The following CHD7 variants were observed in gnomAD, a reference collection of about 807,000 sequenced individuals.
The protein encoded by CHD7 is ATP-dependent chromatin remodeler CHD7.
Under a neutral mutation model 307.3 loss-of-function variants are expected in CHD7, and 24 were observed. The ratio of observed to expected loss-of-function variants is 0.08; its 90% CI spans 0.06 to 0.11. The LOEUF (loss-of-function observed/expected upper bound fraction) is 0.11. CHD7 is among the 10% of genes least tolerant of loss of function. The pLI is 1.00. For synonymous variants in CHD7, 1,363 were observed against 1,349.9 expected, an observed-to-expected ratio of 1.01 and a Z score of -0.21; for missense variants, 3,106 against 3,727.1, an observed-to-expected ratio of 0.83 and a Z score of 4.34.
At chr8:60,747,509 G>A (rs1809391471) in intron 2 of CHD7, among the ~76,000 whole-genome samples, 1 of 152,146 alleles carries the variant, frequency 6.6e-6, no homozygotes, top group South Asian at 2.1e-4. Flanking sequence ...GTTTTCGCAA[G>A]ACAAAATTAG....
At chr8:60,817,431 C>T (rs1257948977) in intron 8 of CHD7, among the ~76,000 whole-genome samples, 1 of 152,190 alleles carries the variant, frequency 6.6e-6, no homozygotes, top group Non-Finnish European at 1.5e-5. Context: ...CTTATACTAT[C>T]AGGTAGCAAG....
intron 1 of CHD7, among the ~76,000 whole-genome samples, chr8:60,740,399 G>A (rs189831238): frequency 6.6e-6 from 1 of 152,340 alleles, no homozygotes; most frequent in East Asian, 1.9e-4. Context: ...TCTCTGAGTG[G>A]TCACGTGGGA....
intron 3 of CHD7, among the ~76,000 whole-genome samples, chr8:60,789,778 T>C (rs1305433250): frequency 6.6e-6 from 1 of 152,260 alleles, no homozygotes; most frequent in East Asian, 1.9e-4. Context: ...TTTCAGGTAA[T>C]AGCACTAGGC....
intron 2 of CHD7, among the ~76,000 whole-genome samples, chr8:60,748,471 T>C (rs1809445474): frequency 6.6e-6 from 1 of 152,116 alleles, no homozygotes; most frequent in African/African-American, 2.4e-5. Flanking sequence ...CACAGCACCA[T>C]GGGGCTCTTT....
chr8:60,689,590 A>G (rs1392397471), intron 1 of CHD7, among the ~76,000 whole-genome samples: 1 of 152,234 alleles, frequency 6.6e-6, no homozygotes, highest in African/African-American at 2.4e-5. Context: ...AAAATAACCT[A>G]GGTCTTAGAA....
At chr8:60,752,404 A>G (rs187726755) in intron 2 of CHD7, among the ~76,000 whole-genome samples, 26 of 152,290 alleles carry the variant, frequency 1.7e-4, no homozygotes, top group African/African-American at 4.8e-4. Context: ...CAGGTTTGCA[A>G]TATTAGCATA....
At chr8:60,696,946 CTT>C (rs990651228) in intron 1 of CHD7, among the ~76,000 whole-genome samples, 1 of 150,250 alleles carries the variant, frequency 6.7e-6, no homozygotes, top group Non-Finnish European at 1.5e-5. Context: ...ACCTCCCCCA[CTT>C]TTTTTTTAAA....
At chr8:60,745,046 G>T (rs1809257276) in intron 2 of CHD7, among the ~76,000 whole-genome samples, 1 of 150,728 alleles carries the variant, frequency 6.6e-6, no homozygotes, top group African/African-American at 2.4e-5. Flanking sequence ...AGACCTTGGT[G>T]ATCCTCATAT....
intron 1 of CHD7, among the ~76,000 whole-genome samples, chr8:60,686,113 G>A (rs1805875922): frequency 6.6e-6 from 1 of 152,092 alleles, no homozygotes; most frequent in African/African-American, 2.4e-5. Context: ...CAAGTCTTCT[G>A]GGTTCCTTCC....
chr8:60,807,691 A>G (rs184665422), intron 6 of CHD7, among the ~76,000 whole-genome samples: 6 of 152,360 alleles, frequency 3.9e-5, no homozygotes, highest in Admixed American at 6.5e-5. Flanking sequence ...CACTGAAATT[A>G]CAGCATAAGA....
chr8:60,710,844 T>C (rs1028627821), intron 1 of CHD7, among the ~76,000 whole-genome samples: 21 of 152,286 alleles, frequency 1.4e-4, no homozygotes, highest in Admixed American at 7.8e-4. Flanking sequence ...GGAAAATGCA[T>C]ACTATGTGCA....
At chr8:60,790,259 C>T (rs1229766303) in intron 3 of CHD7, among the ~76,000 whole-genome samples, 1 of 152,086 alleles carries the variant, frequency 6.6e-6, no homozygotes, top group Non-Finnish European at 1.5e-5. Flanking sequence ...TCTCTTTAGC[C>T]TCACAAGTGG....
intron 16 of CHD7, among the ~76,000 whole-genome samples, 151 bp downstream of exon 16, chr8:60,836,434 G>A (rs534650428): frequency 2.6e-5 from 4 of 152,322 alleles, no homozygotes; most frequent in Admixed American, 2.6e-4. Flanking sequence ...AGATGTACAT[G>A]ATGATTATTT....
intron 2 of CHD7, among the ~76,000 whole-genome samples, chr8:60,758,975 A>G (rs1810028514): frequency 6.6e-6 from 1 of 152,182 alleles, no homozygotes. Context: ...TTTTTCTGTC[A>G]CTGCCTTGAT....
intron 3 of CHD7, among the ~76,000 whole-genome samples, chr8:60,790,045 A>G (rs1002874385): frequency 5.9e-5 from 9 of 152,206 alleles, no homozygotes; most frequent in Admixed American, 3.3e-4. Context: ...CCCAATTCTC[A>G]TCATGAAATG....
rs774242976 is a variant in CHD7 at position 60,865,317 on chromosome 8, C to G, written c.8378C>G (p.Ala2793Gly). ...ATAGGDAKNP[A>G]AVLPLMLPGM... ...GCCGGAGGCGATGCGAAGAACCCTGCTGCTGTGCTGCCCCTGATGCTGCCA... is the reference window on the plus strand; with the variant it reads ...GCCGGAGGCGATGCGAAGAACCCTGGTGCTGTGCTGCCCCTGATGCTGCCA... The change falls in exon 38 of 38, where the codon GCT becomes GGT. Residue 2793 changes from alanine to glycine, a missense_variant. Ala to Gly is a moderately conservative substitution (Grantham distance 60). This residue lies in a region of CHD7 where 351 missense variants were observed against 366.2 expected (regional missense o/e 0.96). Transcript: ENST00000423902. This position sits in a 1 kb window ranked among gnomAD's most constrained non-coding sequence, Gnocchi z 4.3. 23 of 1,611,716 alleles carry G rather than the reference C, an allele frequency of 1.4e-5. No individual in the cohort carries two copies. The highest frequency in any genetic ancestry group is 2.0e-5 in the Non-Finnish European group (23 of 1,179,170).
In CHD7 at chr8:60,850,038, G is replaced by C. The variant is rs146466426; in HGVS notation, c.5405-455G>C. Among the ~76,000 whole-genome samples the C allele has an allele frequency of 2.0e-5, 3 of 152,234 alleles. No individual in the cohort carries two copies. In the South Asian group the frequency reaches 6.2e-4, roughly 32 times the overall value. Reference sequence around the variant, plus strand: ...ATCCTAAACCTAATAAGACAGGTTCGCTGGCCTTATGTATATGGGGATTTT... The same window carrying C: ...ATCCTAAACCTAATAAGACAGGTTCCCTGGCCTTATGTATATGGGGATTTT... On this transcript the variant is annotated intron_variant, in intron 25 of 37. Transcript: ENST00000423902.
Position 60,807,919 on chromosome 8 carries a change from A to C in CHD7, c.2443-298A>C, listed in dbSNP as rs1420160746. Among the ~76,000 whole-genome samples, 3 of 152,216 alleles carry C rather than the reference A, an allele frequency of 2.0e-5. No homozygotes were observed. In the East Asian group the frequency reaches 5.8e-4, roughly 29 times the overall value. ...GTCTACTTAACACTGTGGGTTTGGCAGAAGGCCAAATTTGGGGTCAGGTTG... is the reference window on the plus strand; with the variant it reads ...GTCTACTTAACACTGTGGGTTTGGCCGAAGGCCAAATTTGGGGTCAGGTTG... On this transcript the variant is annotated intron_variant, in intron 6 of 37. Coordinates refer to ENST00000423902, the MANE Select transcript of CHD7 (RefSeq NM_017780.4).
intron 1 of CHD7, among the ~76,000 whole-genome samples, chr8:60,729,939 C>T (rs1305614521): frequency 3.9e-5 from 6 of 152,120 alleles, no homozygotes; most frequent in Non-Finnish European, 5.9e-5. Context: ...GTCCTAATAT[C>T]AAGAGTCTTG....
Sources: allele counts gnomAD v4.1 joint callset (sites outside exome capture counted in the v4.1 genomes callset), GRCh38; gene constraint gnomAD v4.1.1; regional missense constraint gnomAD v4.1.1; non-coding constraint Gnocchi (gnomAD v3.1); transcripts MANE v1.5; gene names NCBI Gene and HGNC (gene_info 2026-07-23, HGNC 2026-07-21).